ANKRD44: variants seen among roughly 807,000 people sequenced by gnomAD.
ANKRD44 encodes the protein ankyrin repeat domain 44, also known as serine/threonine-protein phosphatase 6 regulatory ankyrin repeat subunit B.
In ANKRD44, 35 loss-of-function variants were observed where a neutral mutation model predicts 116.0. The observed-to-expected ratio is 0.30, with a 90% CI of 0.23 to 0.40. The LOEUF is 0.40. ANKRD44 is among the 10% of genes least tolerant of loss of function. The pLI is 1.00. For missense variants in ANKRD44, 1,014 were observed against 1,242.6 expected (o/e 0.82, Z 2.77); for synonymous variants, 435 against 461.8 (o/e 0.94, Z 0.74).
At chr2:196,985,477 T>C (rs566257643), downstream of ANKRD44, among the ~76,000 whole-genome samples, 1 of 152,272 alleles carries the variant, frequency 6.6e-6, no homozygotes, top group African/African-American at 2.4e-5. Flanking sequence ...ATTTGTATAT[T>C]TGAATAAGAA....
At chr2:197,103,111 C>A (rs537301339) in intron 9 of ANKRD44, among the ~76,000 whole-genome samples, 2 of 151,898 alleles carry the variant, frequency 1.3e-5, no homozygotes, top group African/African-American at 4.8e-5. Context: ...ACCTGTAGTT[C>A]CAGTTACTTG....
intron 1 of ANKRD44, chr2:197,299,335 T>C (rs926609268): frequency 1.3e-5 from 2 of 152,188 alleles, no homozygotes; most frequent in Non-Finnish European, 2.9e-5. Context: ...CACTCCTGGG[T>C]ATCTACCCAG....
rs2076568082 is a variant in ANKRD44 at position 197,025,184 on chromosome 2, C to T, written c.1722+12G>A. ...TTGTAACAGGTGAAGCTGCTCATGG[C>T]ATCTCACTTACAGCTAAGTGGAGTG... On this transcript the variant is annotated intron_variant, in intron 17 of 27. Transcript: ENST00000282272. The T allele has an allele frequency of 6.2e-7, 1 of 1,606,496 alleles. No homozygotes were observed. The highest frequency in any genetic ancestry group is 8.5e-7 in the Non-Finnish European group (1 of 1,173,758).
chr2:197,114,945 C>CT (rs1210159126), intron 8 of ANKRD44, among the ~76,000 whole-genome samples: 4 of 152,206 alleles, frequency 2.6e-5, no homozygotes, highest in African/African-American at 9.7e-5. Context: ...CCTCTCCTTT[C>CT]CCTTACTTCT....
chr2:197,055,581 G>A (rs141759622), intron 16 of ANKRD44, among the ~76,000 whole-genome samples: 6 of 152,088 alleles, frequency 3.9e-5, no homozygotes, highest in African/African-American at 9.7e-5. Flanking sequence ...TACCTTTCAC[G>A]TATAGATCTG....
chr2:197,040,515 T>A (rs1191827009), intron 16 of ANKRD44, among the ~76,000 whole-genome samples: 6 of 151,656 alleles, frequency 4.0e-5, no homozygotes, highest in African/African-American at 1.5e-4. Flanking sequence ...CAGCTGGGAC[T>A]ACAGGCATGC....
intron 16 of ANKRD44, among the ~76,000 whole-genome samples, chr2:197,044,429 C>T (rs1261054158): frequency 3.3e-5 from 5 of 152,188 alleles, no homozygotes; most frequent in East Asian, 1.9e-4. Context: ...TACAGCGGCG[C>T]GATCTCGGCT....
Position 197,147,042 on chromosome 2 carries a change from G to T in ANKRD44, c.175C>A (p.Leu59Ile). The change falls in exon 3 of 28, where the codon CTC becomes ATC. Residue 59 changes from leucine (L) to isoleucine (I), a missense_variant. Coordinates refer to ENST00000282272, the MANE Select transcript of ANKRD44 (RefSeq NM_001195144.2). ...AFLGDAEIIE[L>I]LILSGARVNA... ...AGTTATTTACCTGACAAAATCAGGAGTTCAATGATCTCTGCATCTCCCAGA... is the reference window on the plus strand; with the variant it reads ...AGTTATTTACCTGACAAAATCAGGATTTCAATGATCTCTGCATCTCCCAGA... 1 of 1,613,718 alleles carries T rather than the reference G, an allele frequency of 6.2e-7. No individual in the cohort carries two copies. Among genetic ancestry groups the T allele is most frequent in the South Asian group, 1.1e-5 (1 of 91,072 alleles).
chr2:197,308,291 G>A (rs1474786354), intron 1 of ANKRD44, among the ~76,000 whole-genome samples: 1 of 152,132 alleles, frequency 6.6e-6, no homozygotes, highest in Non-Finnish European at 1.5e-5. Context: ...GCGGCTCCCT[G>A]CCCACAATGA....
chr2:197,011,005 A>G (rs1357976513), intron 18 of ANKRD44, among the ~76,000 whole-genome samples: 2 of 152,248 alleles, frequency 1.3e-5, no homozygotes, highest in African/African-American at 4.8e-5. Context: ...CATTGCATTC[A>G]GCTAATTCTC....
intron 16 of ANKRD44, among the ~76,000 whole-genome samples, chr2:197,034,296 T>G (rs2076767496): frequency 1.3e-5 from 2 of 152,092 alleles, no homozygotes; most frequent in African/African-American, 4.8e-5. Flanking sequence ...GAGCTTGTAG[T>G]TATACATCAG....
At chr2:196,990,528 G>C in intron 27 of ANKRD44, 1 of 1,228,542 alleles carries the variant, frequency 8.1e-7, no homozygotes, top group Non-Finnish European at 1.0e-6. Flanking sequence ...CCACCCAACA[G>C]CCTCACTGCC....
chr2:197,006,498 TC>T (rs1043234858), intron 20 of ANKRD44, among the ~76,000 whole-genome samples: 2 of 152,112 alleles, frequency 1.3e-5, no homozygotes, highest in Non-Finnish European at 2.9e-5. Context: ...AGTTTTAGAA[TC>T]AGGAAGATCT....
At chr2:197,098,557 T>C (rs1025078196) in intron 10 of ANKRD44, among the ~76,000 whole-genome samples, 2 of 152,358 alleles carry the variant, frequency 1.3e-5, no homozygotes, top group Non-Finnish European at 2.9e-5. Context: ...TATTCAGGCA[T>C]TGAAGGCCCT....
intron 7 of ANKRD44, among the ~76,000 whole-genome samples, chr2:197,122,220 G>A (rs992367665): frequency 6.6e-6 from 1 of 152,118 alleles, no homozygotes; most frequent in Non-Finnish European, 1.5e-5. Flanking sequence ...CACTGCTCCT[G>A]TTCTACCAGC....
chr2:196,971,616 C>A (rs1406663789), intron 21 of ANKRD44, among the ~76,000 whole-genome samples: 2 of 152,098 alleles, frequency 1.3e-5, no homozygotes, highest in East Asian at 3.8e-4. Context: ...CCAAAAAATG[C>A]AATAAACATT....
chr2:197,067,089 C>T (rs1300739159), intron 16 of ANKRD44, among the ~76,000 whole-genome samples: 6 of 152,010 alleles, frequency 3.9e-5, no homozygotes, highest in Middle Eastern at 3.4e-3. Context: ...AACAGAGATA[C>T]AGACCAATGG....
intron 2 of ANKRD44, among the ~76,000 whole-genome samples, chr2:197,173,984 G>A (rs987758176): frequency 1.3e-5 from 2 of 152,190 alleles, no homozygotes; most frequent in African/African-American, 4.8e-5. Context: ...AGTGAGCTGA[G>A]ATTGCGCTAC....
chr2:196,989,509 T>TACACAC lies in ANKRD44; in HGVS notation c.*76_*81dup, dbSNP rs35158331. On this transcript the variant is annotated 3_prime_UTR_variant, in exon 28 of 28. Transcript: ENST00000282272. ...CCTCATGTGTAGCTGGCTGATGAAC[T>TACACAC]ACACACACACACACATATATATATA... 7 of 1,248,756 alleles carry TACACAC rather than the reference T, an allele frequency of 5.6e-6. No homozygotes were observed. The highest frequency in any genetic ancestry group is 5.1e-6 in the Non-Finnish European group (5 of 972,136). 77.4% of individuals were successfully genotyped at this position (1,248,756 alleles called of 1,614,324 possible).
Sources: gnomAD v4.1 joint callset for allele counts (sites outside exome capture counted in the v4.1 genomes callset) on GRCh38, gnomAD v4.1.1 for gene constraint, MANE v1.5 for transcripts, NCBI Gene and HGNC (gene_info 2026-07-23, HGNC 2026-07-21) for gene names.